The following SCRN3 variants were observed in gnomAD, a reference collection of about 807,000 sequenced individuals.
SCRN3 encodes secernin 3, also known as secernin-3.
In SCRN3, 39 loss-of-function variants were observed where a neutral mutation model predicts 43.1. The observed-to-expected ratio is 0.91, with a 90% CI of 0.70 to 1.18. The LOEUF (loss-of-function observed/expected upper bound fraction) is 1.18. SCRN3 is among the 50% of genes most tolerant of loss of function. SCRN3 has a pLI of 0.00. For missense variants in SCRN3, 484 were observed against 498.0 expected, an observed-to-expected ratio of 0.97 and a Z score of 0.27; for synonymous variants, 147 against 163.1, an observed-to-expected ratio of 0.90 and a Z score of 0.75.
intron 7 of SCRN3, among the ~76,000 whole-genome samples, chr2:174,426,787 CAAAACA>C (rs1280206081): frequency 6.6e-6 from 1 of 151,650 alleles, no homozygotes; most frequent in Non-Finnish European, 1.5e-5. Context: ...CAAAACAAAA[CAAAACA>C]AAAACAAAAA....
intron 5 of SCRN3, among the ~76,000 whole-genome samples, chr2:174,412,910 C>G (rs946711417): frequency 7.1e-6 from 1 of 141,730 alleles, no homozygotes; most frequent in African/African-American, 2.7e-5. Context: ...TCTTGTTGCC[C>G]AGGCTGGATT....
chr2:174,417,991 C>T (rs537318609), intron 5 of SCRN3, among the ~76,000 whole-genome samples: 39 of 152,098 alleles, frequency 2.6e-4, no homozygotes, highest in Non-Finnish European at 2.8e-4. Context: ...ATAAATTTAG[C>T]AGATATTCTT....
chr2:174,398,189 A>G, intron 1 of SCRN3, 86 bp from the exon 2 acceptor site: 1 of 781,338 alleles, frequency 1.3e-6, no homozygotes, highest in Non-Finnish European at 1.9e-6. Flanking sequence ...TATGGCAATA[A>G]TATCCTTTGG....
At chr2:174,400,127 C>T (rs1179285847) in intron 3 of SCRN3, 24 bp downstream of exon 3, 1 of 1,444,628 alleles carries the variant, frequency 6.9e-7, no homozygotes, top group Admixed American at 2.7e-5. Flanking sequence ...ACATTTTATA[C>T]TACAGACCTT....
chr2:174,411,303 A>T (rs911721497), intron 5 of SCRN3, among the ~76,000 whole-genome samples: 1 of 152,148 alleles, frequency 6.6e-6, no homozygotes, highest in Admixed American at 6.5e-5. Flanking sequence ...TTTATATTTT[A>T]CTCAAATTTC....
rs769516492 is a variant in SCRN3 at position 174,422,925 on chromosome 2, TA to T, written c.798del (p.Lys266AsnfsTer12). The T allele has an allele frequency of 3.1e-6, 5 of 1,611,290 alleles. No individual in the cohort carries two copies. The South Asian group carries it at 4.4e-5, about 14-fold the overall frequency. ...AAACAATGATGGAAATTCTTCGAGA[TA>T]AACCAAGTGGCATTAATATGGAGGG... ...FETMMEILRD[K>X]PSGINMEGEF... On this transcript the variant is annotated frameshift_variant, in exon 6 of 8. Coordinates refer to ENST00000272732, the MANE Select transcript of SCRN3 (RefSeq NM_024583.5). LOFTEE classifies it high-confidence loss of function.
rs773594839 is a variant in SCRN3 at position 174,399,920 on chromosome 2, A to C, written c.160-2A>C. Reference sequence around the variant, plus strand: ...ATGACTTTTTTTTTTTTTTTTTTACAGTGTACATATATAGAAATTGATCAA... The same window carrying C: ...ATGACTTTTTTTTTTTTTTTTTTACCGTGTACATATATAGAAATTGATCAA... On this transcript the variant is annotated splice_acceptor_variant, in intron 2 of 7. Transcript: ENST00000272732. LOFTEE classifies it high-confidence loss of function. The C allele has an allele frequency of 2.4e-6, 3 of 1,265,394 alleles. No individual in the cohort carries two copies. Among genetic ancestry groups the C allele is most frequent in the Non-Finnish European group, 2.0e-6 (2 of 988,382 alleles). 78.4% of individuals were successfully genotyped at this position (1,265,394 alleles called of 1,614,324 possible).
chr2:174,426,329 T>C (rs370263848), intron 7 of SCRN3, among the ~76,000 whole-genome samples: 1 of 152,186 alleles, frequency 6.6e-6, no homozygotes, highest in African/African-American at 2.4e-5. Flanking sequence ...ATTATTCCAA[T>C]ACCATTTATA....
At chr2:174,420,861 T>C (rs1369680888) in intron 5 of SCRN3, among the ~76,000 whole-genome samples, 2 of 151,998 alleles carry the variant, frequency 1.3e-5, no homozygotes, top group Admixed American at 6.6e-5. Flanking sequence ...GATTGGAGAC[T>C]CAACAGGAAA....
intron 5 of SCRN3, among the ~76,000 whole-genome samples, chr2:174,406,626 A>G (rs951409125): frequency 2.0e-5 from 3 of 150,216 alleles, no homozygotes; most frequent in African/African-American, 7.3e-5. Context: ...ATTTTGAAAT[A>G]TGTCCCATCA....
At chr2:174,398,835 C>T (rs1471269813) in intron 2 of SCRN3, among the ~76,000 whole-genome samples, 1 of 152,114 alleles carries the variant, frequency 6.6e-6, no homozygotes, top group Non-Finnish European at 1.5e-5. Flanking sequence ...CATGCTGTGG[C>T]AGCGGAAGAG....
chr2:174,397,220 A>G (rs1188312867), intron 1 of SCRN3: 21 of 967,250 alleles, frequency 2.2e-5, no homozygotes, highest in Admixed American at 6.2e-5. Flanking sequence ...AACATTTATT[A>G]TATTTAAATT....
At chr2:174,405,464 A>G in intron 5 of SCRN3, among the ~76,000 whole-genome samples, 1 of 111,258 alleles carries the variant, frequency 9.0e-6, no homozygotes, top group Non-Finnish European at 2.0e-5. Flanking sequence ...TAGTTTAATT[A>G]GATCCCATTT....
At chr2:174,425,474 T>A (rs1686449275) in intron 7 of SCRN3, among the ~76,000 whole-genome samples, 2 of 152,148 alleles carry the variant, frequency 1.3e-5, no homozygotes, top group African/African-American at 4.8e-5. Context: ...TCCTTTTACT[T>A]TGTCAAGGCA....
At chr2:174,408,518 T>A (rs1447197501) in intron 5 of SCRN3, among the ~76,000 whole-genome samples, 1 of 150,076 alleles carries the variant, frequency 6.7e-6, no homozygotes, top group Non-Finnish European at 1.5e-5. Context: ...TAGCTGGTGA[T>A]TTTGCTCGTT....
At chr2:174,424,417 T>C in intron 6 of SCRN3, 58 bp from the exon 7 acceptor site, 1 of 1,229,054 alleles carries the variant, frequency 8.1e-7, no homozygotes, top group South Asian at 1.5e-5. Context: ...AGACTTAGAC[T>C]AACACTGAAT....
intron 3 of SCRN3, among the ~76,000 whole-genome samples, chr2:174,400,604 A>G (rs1685475669): frequency 6.6e-6 from 1 of 152,148 alleles, no homozygotes; most frequent in Non-Finnish European, 1.5e-5. Flanking sequence ...GCTTTCAGAT[A>G]TTATTATTTG....
At chr2:174,395,921 T>C (rs763267329) in intron 1 of SCRN3, 104 bp downstream of exon 1, 221 of 1,413,986 alleles carry the variant, frequency 1.6e-4, no homozygotes, top group Middle Eastern at 2.0e-4. Context: ...GGAGCCCAGC[T>C]GCACCGGCTG....
chr2:174,399,548 C>T (rs1211571390), intron 2 of SCRN3, among the ~76,000 whole-genome samples: 1 of 152,212 alleles, frequency 6.6e-6, no homozygotes, highest in Non-Finnish European at 1.5e-5. Flanking sequence ...CATCTTTCTC[C>T]TGAGCTCCAA....
Sources: gnomAD v4.1 joint callset for allele counts (sites outside exome capture counted in the v4.1 genomes callset) on GRCh38, gnomAD v4.1.1 for gene constraint, MANE v1.5 for transcripts, NCBI Gene and HGNC (gene_info 2026-07-23, HGNC 2026-07-21) for gene names.